The following PRH1 variants were observed in gnomAD, a reference collection of about 807,000 sequenced individuals.
PRH1 encodes the protein salivary acidic proline-rich phosphoprotein 1/2.
In PRH1, 7 loss-of-function variants were observed where a neutral mutation model predicts 7.9. That is an observed-to-expected ratio of 0.89 (90% CI 0.50 to 1.67). The LOEUF is 1.67. Among genes scored for constraint, PRH1 ranks in the 40% most tolerant of loss-of-function variants. PRH1 has a pLI of 0.00. For synonymous variants in PRH1, 45 were observed against 80.8 expected (o/e 0.56, Z 2.38); for missense variants, 109 against 223.6 (o/e 0.49, Z 3.27).
At chr12:10,961,236 G>A (rs1371537106) in intron 2 of PRH1, among the ~76,000 whole-genome samples, 1 of 151,362 alleles carries the variant, frequency 6.6e-6, no homozygotes, top group South Asian at 2.1e-4. Flanking sequence ...CAGCAGAGGA[G>A]TGCCCTCTGT....
chr12:11,012,733 T>G (rs1410232130), intron 1 of PRH1, among the ~76,000 whole-genome samples: 1 of 152,048 alleles, frequency 6.6e-6, no homozygotes, highest in East Asian at 1.9e-4. Context: ...ATTTTTCAGT[T>G]TTTTTGTAGA....
chr12:11,128,466 C>G (rs983664070), intron 1 of PRH1, among the ~76,000 whole-genome samples: 1 of 151,756 alleles, frequency 6.6e-6, no homozygotes, highest in Admixed American at 6.6e-5. Context: ...CTATAAAAAG[C>G]GGGCGCAGTG....
intron 1 of PRH1, among the ~76,000 whole-genome samples, chr12:11,072,774 A>T (rs76696671): frequency 0.44 from 40,685 of 92,514 alleles, 5,246 homozygotes; most frequent in Non-Finnish European, 0.53. Flanking sequence ...GCTCTCGATT[A>T]AGTGAATATT....
intron 1 of PRH1, among the ~76,000 whole-genome samples, chr12:11,008,551 A>T (rs1303444821): frequency 6.6e-6 from 1 of 152,080 alleles, no homozygotes; most frequent in Non-Finnish European, 1.5e-5. Flanking sequence ...GATTTTCTTT[A>T]TACTTTATCA....
chr12:11,080,168 A>T (rs1189194800), intron 1 of PRH1, among the ~76,000 whole-genome samples: 30,397 of 82,168 alleles, frequency 0.37, 2,246 homozygotes, highest in Non-Finnish European at 0.46. Flanking sequence ...CTTTACCAAC[A>T]AGCTATGCAA....
chr12:11,142,679 A>G (rs1946735811), intron 1 of PRH1, among the ~76,000 whole-genome samples: 1 of 152,232 alleles, frequency 6.6e-6, no homozygotes, highest in East Asian at 1.9e-4. Context: ...CCTAAGGTCA[A>G]GGATAAAGAA....
At chr12:10,946,617 T>A (rs2135904821) in intron 2 of PRH1, among the ~76,000 whole-genome samples, 1 of 152,330 alleles carries the variant, frequency 6.6e-6, no homozygotes, top group Admixed American at 6.5e-5. Flanking sequence ...TTTGAATGGT[T>A]TTTTGTGTCT....
chr12:11,040,584 T>C (rs1027503719), intron 1 of PRH1, among the ~76,000 whole-genome samples: 4 of 152,148 alleles, frequency 2.6e-5, no homozygotes, highest in Non-Finnish European at 5.9e-5. Context: ...GAGCTAGGGA[T>C]AGCATTAGGA....
intron 1 of PRH1, among the ~76,000 whole-genome samples, chr12:11,126,526 C>A (rs1476225803): frequency 1.5e-5 from 2 of 137,080 alleles, no homozygotes; most frequent in Admixed American, 1.4e-4. Flanking sequence ...TTTTATCACC[C>A]ATGGACATTT....
At chr12:11,061,598 A>C in intron 1 of PRH1, 2 of 1,614,106 alleles carry the variant, frequency 1.2e-6, no homozygotes, top group Non-Finnish European at 1.7e-6. Flanking sequence ...AAGAGGAAGG[A>C]GGTCACAGTT....
At chr12:11,159,022 C>A in intron 1 of PRH1, 1 of 154,690 alleles carries the variant, frequency 6.5e-6, no homozygotes, top group South Asian at 1.9e-4. Flanking sequence ...TCACCATTTT[C>A]ATGGCCCTTT....
At chr12:10,969,981 A>T (rs11054108) in intron 2 of PRH1, among the ~76,000 whole-genome samples, 36,963 of 151,818 alleles carry the variant, frequency 0.24, 4,546 homozygotes, top group Non-Finnish European at 0.25. Flanking sequence ...TTGTATTTTT[A>T]AGCAGAGATG....
downstream of PRH1, among the ~76,000 whole-genome samples, chr12:11,120,259 A>G (rs967433109): frequency 1.3e-5 from 2 of 152,134 alleles, no homozygotes; most frequent in Non-Finnish European, 2.9e-5. Context: ...TTTTGTTGCT[A>G]TTTCTGTCCT....
chr12:11,072,598 T>G (rs1219316008), intron 1 of PRH1, among the ~76,000 whole-genome samples: 1 of 152,222 alleles, frequency 6.6e-6, no homozygotes, highest in Non-Finnish European at 1.5e-5. Flanking sequence ...CAGGGGATGG[T>G]AGTCTTTTTA....
chr12:11,155,240 G>C (rs773709523), intron 1 of PRH1, among the ~76,000 whole-genome samples: 2 of 152,076 alleles, frequency 1.3e-5, no homozygotes, highest in Admixed American at 1.3e-4. Context: ...CCTAAAGCTT[G>C]GGTCACTTGG....
chr12:10,914,846 T>TGG (rs1949951014), intron 2 of PRH1, among the ~76,000 whole-genome samples: 3 of 152,182 alleles, frequency 2.0e-5, no homozygotes, highest in Non-Finnish European at 4.4e-5. Context: ...AACTCAGCCA[T>TGG]GGCTGGGCAC....
At chr12:11,125,240 C>T (rs1946073552) in intron 1 of PRH1, among the ~76,000 whole-genome samples, 1 of 152,292 alleles carries the variant, frequency 6.6e-6, no homozygotes. Flanking sequence ...CAATGATTTA[C>T]TTGCTATTTT....
intron 2 of PRH1, among the ~76,000 whole-genome samples, chr12:10,939,469 T>C (rs2135888644): frequency 6.6e-6 from 1 of 152,212 alleles, no homozygotes; most frequent in East Asian, 1.9e-4. Context: ...CTGAAGTCTT[T>C]TGTAGCTGGT....
chr12:10,951,830 T>C (rs902363050), intron 2 of PRH1, among the ~76,000 whole-genome samples: 3 of 152,208 alleles, frequency 2.0e-5, no homozygotes, highest in East Asian at 1.9e-4. Context: ...ATTTTTATTA[T>C]TTAATGGTTT....
Sources: allele counts gnomAD v4.1 joint callset (sites outside exome capture counted in the v4.1 genomes callset), GRCh38; gene constraint gnomAD v4.1.1; transcripts MANE v1.5; gene names NCBI Gene and HGNC (gene_info 2026-07-23, HGNC 2026-07-21).